The following UNC13B variants were observed in gnomAD, a reference collection of about 807,000 sequenced individuals.
UNC13B encodes unc-13 homolog B, also known as protein unc-13 homolog B.
A neutral mutation model predicts 211.0 loss-of-function variants in UNC13B; 144 were observed. The observed-to-expected ratio is 0.68, with a 90% confidence interval of 0.60 to 0.78. The LOEUF (loss-of-function observed/expected upper bound fraction) is 0.78. Among genes scored for constraint, UNC13B ranks in the 30% least tolerant of loss-of-function variants. UNC13B has a pLI of 0.00. For synonymous variants in UNC13B, 709 were observed against 725.8 expected (o/e 0.98, Z 0.37); for missense variants, 1,777 against 2,002.0 (o/e 0.89, Z 2.14).
At chr9:35,169,546 C>T (rs775667702) in intron 1 of UNC13B, among the ~76,000 whole-genome samples, 2 of 152,168 alleles carry the variant, frequency 1.3e-5, no homozygotes, top group Non-Finnish European at 2.9e-5. Context: ...TCCTGCCACC[C>T]CCTGCTGAAT....
intron 1 of UNC13B, among the ~76,000 whole-genome samples, chr9:35,174,740 G>T (rs547671508): frequency 6.6e-6 from 1 of 152,206 alleles, no homozygotes; most frequent in Non-Finnish European, 1.5e-5. Context: ...TAGTAGAGAC[G>T]GGGTTCCACT....
intron 11 of UNC13B, among the ~76,000 whole-genome samples, chr9:35,363,016 A>G (rs1282447429): frequency 6.6e-6 from 1 of 152,160 alleles, no homozygotes; most frequent in African/African-American, 2.4e-5. Flanking sequence ...CTCTATGGAA[A>G]GGAGGTGTGA....
chr9:35,372,214 A>G (rs1035572470), intron 13 of UNC13B, among the ~76,000 whole-genome samples: 2 of 152,140 alleles, frequency 1.3e-5, no homozygotes, highest in African/African-American at 4.8e-5. Flanking sequence ...GGAAGTTGCA[A>G]TGAGCTGAGA....
chr9:35,308,920 A>G (rs532575950), intron 9 of UNC13B, among the ~76,000 whole-genome samples: 2 of 152,170 alleles, frequency 1.3e-5, no homozygotes, highest in Non-Finnish European at 2.9e-5. Context: ...ACAAAGTGCA[A>G]AGGATGCCTT....
intron 1 of UNC13B, among the ~76,000 whole-genome samples, chr9:35,191,797 G>T (rs981799487): frequency 2.6e-5 from 4 of 152,194 alleles, no homozygotes; most frequent in Non-Finnish European, 4.4e-5. Context: ...ACAAGATGGA[G>T]GCCTGTAGCC....
At position 35,238,119 on chromosome 9, in the gene UNC13B, G is replaced by A. The variant is rs193174685; in HGVS notation, c.394+293G>A. Among the ~76,000 whole-genome samples, 630 of 152,046 alleles carry A rather than the reference G, an allele frequency of 4.1e-3. 3 individuals carry two copies. The highest frequency in any genetic ancestry group is 6.5e-3 in the Non-Finnish European group (445 of 67,968). On this transcript the variant is annotated intron_variant, in intron 5 of 39. Transcript: ENST00000635942. ...ATTTGCTTGTTAGATTTATTATTTT[G>A]AAAATAAACATTTATTGTCTTGAAG...
At chr9:35,396,802 C>T (rs1296562273) in intron 27 of UNC13B, 39 bp from the exon 28 acceptor site, 12 of 1,612,336 alleles carry the variant, frequency 7.4e-6, no homozygotes, top group East Asian at 4.5e-5. Flanking sequence ...GTATTCCCAC[C>T]GCTAGTTCTA....
chr9:35,212,971 G>C (rs74696492), intron 1 of UNC13B, among the ~76,000 whole-genome samples: 2,417 of 152,308 alleles, frequency 0.016, 41 homozygotes, highest in East Asian at 0.09. Flanking sequence ...AGGCCTCTTT[G>C]AATTCCAGGT....
intron 7 of UNC13B, among the ~76,000 whole-genome samples, chr9:35,270,357 GTGTGTATGTATGTGTT>G (rs1827806719): frequency 6.6e-6 from 1 of 151,786 alleles, no homozygotes; most frequent in African/African-American, 2.4e-5. Context: ...GTGTGTGTGT[GTGTGTATGTATGTGTT>G]TGTGTATTAT....
intron 24 of UNC13B, among the ~76,000 whole-genome samples, chr9:35,387,828 G>A (rs1398661287): frequency 6.6e-6 from 1 of 152,090 alleles, no homozygotes; most frequent in Non-Finnish European, 1.5e-5. Context: ...TGGAGGTCAG[G>A]GCAAATTACT....
At chr9:35,277,809 G>A (rs1317604375) in intron 7 of UNC13B, among the ~76,000 whole-genome samples, 1 of 151,080 alleles carries the variant, frequency 6.6e-6, no homozygotes, top group African/African-American at 2.5e-5. Context: ...TTCACATTGT[G>A]TACACAGTAA....
chr9:35,275,305 T>A (rs1369271869), intron 7 of UNC13B, among the ~76,000 whole-genome samples: 1 of 152,220 alleles, frequency 6.6e-6, no homozygotes, highest in Non-Finnish European at 1.5e-5. Context: ...CATTCAGAAA[T>A]ATGTGCTTTT....
chr9:35,314,656 C>CA (rs1453055451), intron 11 of UNC13B, among the ~76,000 whole-genome samples: 1 of 151,866 alleles, frequency 6.6e-6, no homozygotes, highest in African/African-American at 2.4e-5. Context: ...GAATAGTGTA[C>CA]ATTATACCCA....
intron 21 of UNC13B, 146 bp downstream of exon 21, chr9:35,382,653 C>G: frequency 1.1e-6 from 1 of 952,180 alleles, no homozygotes; most frequent in Non-Finnish European, 1.5e-6. Flanking sequence ...ACTTCTACCT[C>G]CTGGGTTCAA....
intron 7 of UNC13B, among the ~76,000 whole-genome samples, chr9:35,260,518 C>G (rs1827214398): frequency 6.6e-6 from 1 of 152,148 alleles, no homozygotes; most frequent in African/African-American, 2.4e-5. Flanking sequence ...CATATTGTTT[C>G]TGAAAAGGAA....
chr9:35,235,292 G>C (rs1373574208), intron 3 of UNC13B, among the ~76,000 whole-genome samples: 2 of 152,092 alleles, frequency 1.3e-5, no homozygotes, highest in Non-Finnish European at 2.9e-5. Context: ...ACAGTGCCTA[G>C]CTTAATAATG....
At chr9:35,210,834 T>C (rs543344320) in intron 1 of UNC13B, among the ~76,000 whole-genome samples, 3 of 152,296 alleles carry the variant, frequency 2.0e-5, no homozygotes, top group Admixed American at 6.5e-5. Context: ...TATAAACTTA[T>C]CTTTGATGGA....
chr9:35,376,456 T>C (rs1048413132), intron 15 of UNC13B, among the ~76,000 whole-genome samples: 15 of 152,198 alleles, frequency 9.9e-5, no homozygotes, highest in African/African-American at 3.6e-4. Context: ...TAAGCACCTT[T>C]AGGAAAAATT....
chr9:35,198,830 T>G (rs1042077154), intron 1 of UNC13B, among the ~76,000 whole-genome samples: 2 of 152,152 alleles, frequency 1.3e-5, no homozygotes. Context: ...TTGGAGGCAT[T>G]ATGTCTCTGC....
Sources: allele counts gnomAD v4.1 joint callset (sites outside exome capture counted in the v4.1 genomes callset), GRCh38; gene constraint gnomAD v4.1.1; transcripts MANE v1.5; gene names NCBI Gene and HGNC (gene_info 2026-07-23, HGNC 2026-07-21).